The following MED14 variants were observed in gnomAD, a reference collection of about 807,000 sequenced individuals.
MED14 encodes the protein mediator of RNA polymerase II transcription subunit 14.
In MED14, 8 loss-of-function variants were observed where a neutral mutation model predicts 109.0. That is an observed-to-expected ratio of 0.07 (90% CI 0.04 to 0.13). The LOEUF (loss-of-function observed/expected upper bound fraction) is 0.13. Ranked by LOEUF, MED14 falls within the 10% of genes least tolerant of loss-of-function variation. MED14 has a pLI of 1.00. For missense variants in MED14, 711 were observed against 1,142.4 expected (o/e 0.62, Z 5.44); for synonymous variants, 399 against 408.7 (o/e 0.98, Z 0.29).
At chrX:40,718,109 C>A (rs189181777) in intron 3 of MED14, among the ~76,000 whole-genome samples, 3 of 111,995 alleles carry the variant, frequency 2.7e-5, no homozygotes, top group East Asian at 2.8e-4. Context: ...ACAACAACAA[C>A]AAAAATATTT....
Position 40,691,773 on chromosome X carries a change from G to A in MED14, c.1980+410C>T, listed in dbSNP as rs778502435. Among the ~76,000 whole-genome samples the A allele has an allele frequency of 7.7e-4, 83 of 107,861 alleles. No individual in the cohort carries two copies. The South Asian group carries it at 0.013, about 17-fold the overall frequency. The allele number at this position is 107,861 out of a possible 115,157, so 93.7% of individuals were successfully genotyped here. On this transcript the variant is annotated intron_variant, in intron 15 of 30. Transcript: ENST00000324817. ...ATTACAGGCGTGTGCCACCACACCCGGATAATTTTTGTATTTTTAGTAGAG... is the reference window on the plus strand; with the variant it reads ...ATTACAGGCGTGTGCCACCACACCCAGATAATTTTTGTATTTTTAGTAGAG...
chrX:40,679,754 A>G (rs989093381), intron 21 of MED14, 110 bp downstream of exon 21: 21 of 719,007 alleles, frequency 2.9e-5, no homozygotes, highest in Non-Finnish European at 4.0e-5. Context: ...ACTGCTACTT[A>G]CTAAATTTAA....
At chrX:40,711,523 A>G (rs1261376075) in intron 7 of MED14, among the ~76,000 whole-genome samples, 2 of 111,793 alleles carry the variant, frequency 1.8e-5, no homozygotes, top group Admixed American at 9.5e-5. Context: ...CCAATATAAA[A>G]CCATAAAGTC....
chrX:40,651,222 GGCCTAAGAT>G lies in MED14; in HGVS notation c.*575_*583del. The G allele has an allele frequency of 1.3e-6, 1 of 750,393 alleles. No homozygotes were observed. The highest frequency in any genetic ancestry group is 1.6e-6 in the Non-Finnish European group (1 of 635,754). The allele number at this position is 750,393 out of a possible 1,213,427, so 61.8% of individuals were successfully genotyped here. On this transcript the variant is annotated 3_prime_UTR_variant, in exon 31 of 31. Transcript: ENST00000324817. ...TCCACCAGGTTAAAGATGAAGGGAG[GGCCTAAGAT>G]GTCTCTAGAGTTTATATACACACAA...
intron 12 of MED14, among the ~76,000 whole-genome samples, 198 bp from the exon 13 acceptor site, chrX:40,697,381 G>A (rs1362694895): frequency 8.9e-6 from 1 of 112,215 alleles, no homozygotes; most frequent in African/African-American, 3.2e-5. Flanking sequence ...TTTAGTTTAA[G>A]AAGTTTAAAC....
At chrX:40,654,270 G>C in intron 30 of MED14, 94 bp downstream of exon 30, 2 of 789,692 alleles carry the variant, frequency 2.5e-6, no homozygotes, top group South Asian at 5.1e-5. Flanking sequence ...TGGTAGAGTA[G>C]GTAAGGAGGG....
chrX:40,676,030 C>T (rs1368403465), intron 21 of MED14, among the ~76,000 whole-genome samples: 2 of 112,437 alleles, frequency 1.8e-5, no homozygotes. Context: ...CATGGTGGCT[C>T]ATGCCTATAA....
At chrX:40,678,207 A>G (rs1284836816) in intron 21 of MED14, among the ~76,000 whole-genome samples, 1 of 111,832 alleles carries the variant, frequency 8.9e-6, no homozygotes, top group Non-Finnish European at 1.9e-5. Flanking sequence ...CTGTGTAGAA[A>G]GCCCAGACTG....
chrX:40,692,237 G>T lies in MED14; in HGVS notation c.1926C>A (p.Ala642=), dbSNP rs770884654. 1.7e-6 allele frequency: 2 copies of T among 1,207,184 alleles called. No individual in the cohort carries two copies. The highest frequency in any genetic ancestry group is 3.5e-5 in the South Asian group (2 of 56,807). ...TTGTATCACACATAGCGACGAAGTGGGCTAAAACTTTATTGAAGGCACACA... is the reference window on the plus strand; with the variant it reads ...TTGTATCACACATAGCGACGAAGTGTGCTAAAACTTTATTGAAGGCACACA... ...GEMCAFNKVL[A]HFVAMCDTNM... The change falls in exon 15 of 31, where the codon GCC becomes GCA. Residue 642 remains alanine (A), a synonymous_variant. Coordinates refer to ENST00000324817, the MANE Select transcript of MED14 (RefSeq NM_004229.4).
chrX:40,733,525 TAC>T (rs1157968136), intron 1 of MED14, among the ~76,000 whole-genome samples: 1 of 112,015 alleles, frequency 8.9e-6, no homozygotes, highest in Non-Finnish European at 1.9e-5. Context: ...GCAAGGGAAC[TAC>T]AGAGATACCA....
Position 40,713,811 on chromosome X carries a change from C to G in MED14, c.619G>C (p.Asp207His). 4 of 1,210,935 alleles carry G rather than the reference C, an allele frequency of 3.3e-6. No homozygotes were observed. Among genetic ancestry groups the G allele is most frequent in the Non-Finnish European group, 4.5e-6 (4 of 894,905 alleles). ...AGATTTGCTAACTGAGGAGGAAGAT[C>G]TGTGGTTACAAGCCGATGTCTAAGA... ...QILRHRLVTT[D>H]LPPQLANLTV... The change falls in exon 5 of 31, where the codon GAT becomes CAT. Residue 207 changes from aspartate (D) to histidine (H), a missense_variant. Physicochemically the swap from Asp to His is moderately conservative, Grantham distance 81. This residue lies in a region of MED14 where 388 missense variants were observed against 517.3 expected (regional missense o/e 0.75). Coordinates refer to ENST00000324817, the MANE Select transcript of MED14 (RefSeq NM_004229.4).
In MED14 at chrX:40,662,910, A is replaced by G; in HGVS notation, c.3684+15T>C. 8.6e-7 allele frequency: 1 copy of G among 1,168,734 alleles called. No individual in the cohort carries two copies. The highest frequency in any genetic ancestry group is 1.8e-5 in the South Asian group (1 of 54,887). On this transcript the variant is annotated intron_variant, in intron 26 of 30. Transcript: ENST00000324817. ...CTTAACAATCACCACTTAGAAGGTCATTAGGTACCCATACCGTTTCTTGTT... is the reference window on the plus strand; with the variant it reads ...CTTAACAATCACCACTTAGAAGGTCGTTAGGTACCCATACCGTTTCTTGTT...
At chrX:40,734,409 G>T (rs1195761119) in intron 1 of MED14, among the ~76,000 whole-genome samples, 1 of 112,315 alleles carries the variant, frequency 8.9e-6, no homozygotes, top group Non-Finnish European at 1.9e-5. Context: ...CCTAATATCT[G>T]CATACTAATG....
rs200941559 is a variant in MED14 at position 40,692,271 on chromosome X, G to C, written c.1892C>G (p.Ala631Gly). The C allele has an allele frequency of 4.2e-6, 5 of 1,198,719 alleles. No individual in the cohort carries two copies. In the Admixed American group the frequency reaches 1.1e-4, roughly 26 times the overall value. The change falls in exon 15 of 31, where the codon GCA (alanine) becomes GGA (glycine). Residue 631 changes from alanine to glycine, a missense_variant. Around this residue, in one of 8 missense-constraint regions of MED14, gnomAD observed 388 missense variants for 517.3 expected, o/e 0.75. Transcript: ENST00000324817. ...CPVESKKTKR[A>G]GEMCAFNKVL... ...TTTATTGAAGGCACACATTTCTCCT[G>C]CTCGTTTTGTTTTCTTGGATTCTAC... is the stretch of plus-strand genomic sequence containing the variant.
At chrX:40,695,314 A>G (rs758975387) in intron 13 of MED14, among the ~76,000 whole-genome samples, 9 of 112,317 alleles carry the variant, frequency 8.0e-5, no homozygotes, top group Non-Finnish European at 1.3e-4. Flanking sequence ...AATAAAGCTA[A>G]CCAAAAAAGA....
Position 40,650,405 on chromosome X carries a change from G to A in MED14, c.*1401C>T. 9.3e-6 allele frequency: 7 copies of A among 752,529 alleles called. No homozygotes were observed. The highest frequency in any genetic ancestry group is 1.1e-5 in the Non-Finnish European group (7 of 637,589). The allele number at this position is 752,529 out of a possible 1,213,427, so 62.0% of individuals were successfully genotyped here. ...AATTTGATAGTTGATAGTTATAGAA[G>A]CTCAATTAAATCATCTTGAAGTGGA... On this transcript the variant is annotated 3_prime_UTR_variant, in exon 31 of 31. Coordinates refer to ENST00000324817, the MANE Select transcript of MED14 (RefSeq NM_004229.4).
chrX:40,671,661 C>G (rs781450135), intron 23 of MED14, among the ~76,000 whole-genome samples, 200 bp downstream of exon 23: 1 of 111,865 alleles, frequency 8.9e-6, no homozygotes, highest in Non-Finnish European at 1.9e-5. Context: ...TTAATTTAAA[C>G]CTTTTAAAGT....
intron 28 of MED14, among the ~76,000 whole-genome samples, chrX:40,657,495 G>A (rs991219483): frequency 1.8e-5 from 2 of 111,400 alleles, no homozygotes; most frequent in Admixed American, 9.5e-5. Context: ...AGAAACGCAT[G>A]GAATAGATTC....
rs147595104 is a variant in MED14 at position 40,654,593 on chromosome X, A to T, written c.4099-37T>A. Reference sequence around the variant, plus strand: ...CAACACACACAAAGAGAATAAAAACATCATAAAACATCTGTCTAAATGTAT... The same window carrying T: ...CAACACACACAAAGAGAATAAAAACTTCATAAAACATCTGTCTAAATGTAT... On this transcript the variant is annotated intron_variant, in intron 29 of 30. Transcript: ENST00000324817. 8.7e-4 allele frequency: 989 copies of T among 1,134,748 alleles called. 14 individuals carry two copies. The East Asian group carries it at 0.026, about 30-fold the overall frequency. The allele number at this position is 1,134,748 out of a possible 1,213,427, so 93.5% of individuals were successfully genotyped here.
Sources: gnomAD v4.1 joint callset for allele counts (sites outside exome capture counted in the v4.1 genomes callset) on GRCh38, gnomAD v4.1.1 for gene constraint, gnomAD v4.1.1 regional missense constraint, MANE v1.5 for transcripts, NCBI Gene and HGNC (gene_info 2026-07-23, HGNC 2026-07-21) for gene names.